Variants in CDH17 observed in about 807,000 individuals in gnomAD.
The protein encoded by CDH17 is cadherin 17.
A neutral mutation model predicts 86.3 loss-of-function variants in CDH17; 67 were observed. The observed-to-expected ratio is 0.78, with a 90% confidence interval of 0.64 to 0.95. The LOEUF (loss-of-function observed/expected upper bound fraction) is 0.95. CDH17 is among the 40% of genes least tolerant of loss of function. CDH17 has a pLI of 0.00. For missense variants in CDH17, 993 were observed against 1,017.6 expected (o/e 0.98, Z 0.33); for synonymous variants, 367 against 366.4 (o/e 1.00, Z -0.02).
chr8:94,192,048 T>C (rs1813700323), intron 2 of CDH17, among the ~76,000 whole-genome samples: 1 of 152,212 alleles, frequency 6.6e-6, no homozygotes, highest in African/African-American at 2.4e-5. Context: ...CAGTGAAAAC[T>C]ACATTAGCCA....
chr8:94,213,827 C>T (rs1707893091), intron 1 of CDH17, among the ~76,000 whole-genome samples: 1 of 152,174 alleles, frequency 6.6e-6, no homozygotes, highest in Admixed American at 6.5e-5. Flanking sequence ...CTCAAATTTC[C>T]CTTTACCCCG....
chr8:94,206,435 A>G (rs1814028371), intron 1 of CDH17, among the ~76,000 whole-genome samples: 1 of 152,316 alleles, frequency 6.6e-6, no homozygotes, highest in Non-Finnish European at 1.5e-5. Context: ...AAATCTATAC[A>G]TCTCTACCCA....
At chr8:94,214,814 T>TAGAC (rs3032956) in intron 1 of CDH17, among the ~76,000 whole-genome samples, 87,802 of 151,582 alleles carry the variant, frequency 0.58, 26,898 homozygotes, top group Non-Finnish European at 0.71. Flanking sequence ...AATCAAAAAA[T>TAGAC]AAAGGATCTG....
intron 1 of CDH17, among the ~76,000 whole-genome samples, chr8:94,199,073 ATATATATATATTTT>A (rs1455682691): frequency 1.5e-4 from 2 of 13,516 alleles, no homozygotes; most frequent in African/African-American, 4.2e-4. Flanking sequence ...ATATATATAT[ATATATATATATTTT>A]TTTTTTTTTA....
Position 94,148,888 on chromosome 8 carries a change from A to G in CDH17, c.1797-14T>C. On this transcript the variant is annotated splice_polypyrimidine_tract_variant and intron_variant, in intron 13 of 17. Coordinates refer to ENST00000027335, the MANE Select transcript of CDH17 (RefSeq NM_004063.4). The stretch of plus-strand genomic sequence containing the variant: ...CTCAGTGAATAGCTTCATCAAATGA[A>G]AAGAGCAAAAGAAAGCCTGCATTAC... 6.3e-7 allele frequency: 1 copy of G among 1,592,906 alleles called. No homozygotes were observed.
chr8:94,164,529 C>T (rs905036045), intron 10 of CDH17, among the ~76,000 whole-genome samples: 1 of 152,192 alleles, frequency 6.6e-6, no homozygotes, highest in Non-Finnish European at 1.5e-5. Context: ...TACAATAATG[C>T]TAGACAAATA....
chr8:94,184,092 G>A (rs1171165168), intron 3 of CDH17, among the ~76,000 whole-genome samples: 1 of 151,608 alleles, frequency 6.6e-6, no homozygotes, highest in Non-Finnish European at 1.5e-5. Flanking sequence ...TGGAGAAATT[G>A]GAACTCATAC....
chr8:94,134,183 G>A (rs1725471204), intron 15 of CDH17, among the ~76,000 whole-genome samples: 1 of 152,248 alleles, frequency 6.6e-6, no homozygotes, highest in South Asian at 2.1e-4. Flanking sequence ...ATGAGTTAGG[G>A]AGGATTCCCT....
chr8:94,156,625 TTC>T (rs1297342494), intron 12 of CDH17, among the ~76,000 whole-genome samples: 1 of 152,176 alleles, frequency 6.6e-6, no homozygotes, highest in African/African-American at 2.4e-5. Flanking sequence ...AATTACTCAT[TTC>T]CAGGCTTTCC....
At chr8:94,170,317 G>T in intron 9 of CDH17, 80 bp downstream of exon 9, 1 of 1,440,440 alleles carries the variant, frequency 6.9e-7, no homozygotes, top group Non-Finnish European at 9.5e-7. Context: ...CTCCCAGTAA[G>T]GTCTCCTGCT....
At chr8:94,137,110 G>T (rs966343740) in intron 15 of CDH17, among the ~76,000 whole-genome samples, 1 of 152,210 alleles carries the variant, frequency 6.6e-6, no homozygotes, top group Non-Finnish European at 1.5e-5. Context: ...GGACCCACTT[G>T]AGGAGGCAGT....
chr8:94,149,651 A>G (rs1355765297), intron 13 of CDH17, among the ~76,000 whole-genome samples: 1 of 152,194 alleles, frequency 6.6e-6, no homozygotes, highest in East Asian at 1.9e-4. Flanking sequence ...CAGGCATTTC[A>G]GCAGTGCTGG....
In CDH17 at chr8:94,194,616, G is replaced by A; in HGVS notation, c.51+19C>T. On this transcript the variant is annotated intron_variant, in intron 2 of 17. Transcript: ENST00000027335. ...AATATTCTAGTAAACAAATAGAGAAGAACACCCTCTTCTCTTACCAAATAA... is the reference window on the plus strand; with the variant it reads ...AATATTCTAGTAAACAAATAGAGAAAAACACCCTCTTCTCTTACCAAATAA... 1 of 1,543,914 alleles carries A rather than the reference G, an allele frequency of 6.5e-7. No homozygotes were observed. Among genetic ancestry groups the A allele is most frequent in the Non-Finnish European group, 8.9e-7 (1 of 1,118,646 alleles).
chr8:94,151,249 T>C (rs947978355), intron 13 of CDH17, among the ~76,000 whole-genome samples: 2 of 152,218 alleles, frequency 1.3e-5, no homozygotes, highest in African/African-American at 4.8e-5. Context: ...TTAATCATCA[T>C]TGTACTTTTT....
At position 94,139,093 on chromosome 8, in the gene CDH17, T is replaced by C. The variant is rs572169059; in HGVS notation, c.2167+6835A>G. ...GGAAAAGACATGAAAACAGTTATAA[T>C]TATATTCTATATGTTCAAGAAGCTA... On this transcript the variant is annotated intron_variant, in intron 15 of 17. Transcript: ENST00000027335. 2.0e-3 allele frequency among the ~76,000 whole-genome samples: 312 copies of C among 152,260 alleles called. 2 individuals are homozygous for C. The Middle Eastern group carries it at 0.027, about 13-fold the overall frequency.
At chr8:94,132,546 T>A (rs995679477) in intron 15 of CDH17, among the ~76,000 whole-genome samples, 2 of 152,102 alleles carry the variant, frequency 1.3e-5, no homozygotes, top group South Asian at 2.1e-4. Flanking sequence ...GTTTGAGTTC[T>A]TTGTAGATTC....
At chr8:94,207,833 A>T (rs1241063277) in intron 1 of CDH17, among the ~76,000 whole-genome samples, 1 of 152,094 alleles carries the variant, frequency 6.6e-6, no homozygotes, top group Non-Finnish European at 1.5e-5. Flanking sequence ...AAAAATAACC[A>T]CACATTAGCA....
intron 1 of CDH17, among the ~76,000 whole-genome samples, chr8:94,207,499 A>G (rs1412846023): frequency 6.6e-6 from 1 of 152,204 alleles, no homozygotes. Context: ...GAAGACTCAT[A>G]TGGCCCCGTA....
intron 1 of CDH17, among the ~76,000 whole-genome samples, chr8:94,205,245 C>T (rs762100866): frequency 8.0e-5 from 12 of 149,950 alleles, no homozygotes; most frequent in Non-Finnish European, 1.6e-4. Flanking sequence ...ACTGGAATCA[C>T]TATTTCTCAT....
Sources: allele counts gnomAD v4.1 joint callset (sites outside exome capture counted in the v4.1 genomes callset), GRCh38; gene constraint gnomAD v4.1.1; transcripts MANE v1.5; gene names NCBI Gene and HGNC (gene_info 2026-07-23, HGNC 2026-07-21).